PRICKLE2: variants seen among roughly 807,000 people sequenced by gnomAD.
PRICKLE2 encodes the protein prickle-like protein 2.
PRICKLE2 carries 21 observed loss-of-function variants against 81.4 expected under a neutral mutation model. The ratio of observed to expected loss-of-function variants is 0.26; its 90% CI spans 0.18 to 0.37. PRICKLE2 has a LOEUF of 0.37. Among genes scored for constraint, PRICKLE2 ranks in the 10% least tolerant of loss-of-function variants. The pLI is 1.00. For synonymous variants in PRICKLE2, 456 were observed against 421.5 expected (o/e 1.08, Z -1.00); for missense variants, 940 against 1,109.0 (o/e 0.85, Z 2.16).
At chr3:64,151,207 T>A (rs980191664) in intron 6 of PRICKLE2, among the ~76,000 whole-genome samples, 1 of 152,258 alleles carries the variant, frequency 6.6e-6, no homozygotes, top group Admixed American at 6.5e-5. Flanking sequence ...GCATGCTATA[T>A]AGAGTGTGCT....
At chr3:64,235,747 T>C (rs935436362) in intron 2 of PRICKLE2, among the ~76,000 whole-genome samples, 1 of 152,226 alleles carries the variant, frequency 6.6e-6, no homozygotes, top group Non-Finnish European at 1.5e-5. Flanking sequence ...GCATAAATTG[T>C]TCCACAGTCT....
At chr3:64,251,480 T>C (rs1169943885) in intron 2 of PRICKLE2, among the ~76,000 whole-genome samples, 1 of 152,220 alleles carries the variant, frequency 6.6e-6, no homozygotes, top group Non-Finnish European at 1.5e-5. Flanking sequence ...GCAATCATGT[T>C]ATACCTAATC....
intron 1 of PRICKLE2, among the ~76,000 whole-genome samples, chr3:64,209,393 T>G (rs1013508909): frequency 2.6e-5 from 4 of 152,034 alleles, no homozygotes; most frequent in African/African-American, 7.3e-5. Context: ...TACCCATCCA[T>G]CCATCCACCC....
chr3:64,191,721 A>G (rs1325280559), intron 2 of PRICKLE2, among the ~76,000 whole-genome samples: 3 of 152,218 alleles, frequency 2.0e-5, no homozygotes, highest in African/African-American at 7.2e-5. Context: ...GAGGAAACTG[A>G]GGGTCCCAGA....
intron 2 of PRICKLE2, among the ~76,000 whole-genome samples, chr3:64,264,928 T>C (rs957789094): frequency 7.9e-5 from 12 of 152,154 alleles, no homozygotes; most frequent in African/African-American, 2.7e-4. Flanking sequence ...AAGTCAAATA[T>C]GAAGCAATTC....
chr3:64,221,455 A>G (rs1006438366), intron 1 of PRICKLE2, among the ~76,000 whole-genome samples: 8 of 149,542 alleles, frequency 5.3e-5, no homozygotes, highest in South Asian at 2.1e-4. Context: ...ACACACACAC[A>G]CACGCACACA....
chr3:64,099,130 G>A lies in PRICKLE2; in HGVS notation c.2456C>T (p.Pro819Leu). The change falls in exon 8 of 8, where the codon CCC becomes CTC. Residue 819 changes from proline (P) to leucine (L), a missense_variant. Physicochemically the swap from Pro to Leu is moderately conservative, Grantham distance 98. This residue lies in a region of PRICKLE2 where 670 missense variants were observed against 717.2 expected (regional missense o/e 0.93). Transcript: ENST00000638394. This position sits in a 1 kb window ranked among gnomAD's most constrained non-coding sequence, Gnocchi z 4.3. ...LLHKYSSYGL[P>L]KSSTLGGRGQ... ...TCTGCCACCTAATGTGGAAGATTTGGGGAGGCCGTAGGAGCTGTATTTGTG... is the reference window on the plus strand; with the variant it reads ...TCTGCCACCTAATGTGGAAGATTTGAGGAGGCCGTAGGAGCTGTATTTGTG... 1 of 1,614,204 alleles carries A rather than the reference G, an allele frequency of 6.2e-7. No individual in the cohort carries two copies. The highest frequency in any genetic ancestry group is 1.3e-5 in the African/African-American group (1 of 75,038).
At chr3:64,165,302 A>G (rs904119486) in intron 2 of PRICKLE2, among the ~76,000 whole-genome samples, 4 of 152,126 alleles carry the variant, frequency 2.6e-5, no homozygotes, top group African/African-American at 9.7e-5. Context: ...TGCACCCTCT[A>G]GGGCATGGCC....
At chr3:64,220,290 C>T (rs1401347486) in intron 1 of PRICKLE2, among the ~76,000 whole-genome samples, 1 of 152,156 alleles carries the variant, frequency 6.6e-6, no homozygotes, top group African/African-American at 2.4e-5. Context: ...CTACCCTTAA[C>T]CCTGGATGGG....
intron 1 of PRICKLE2, among the ~76,000 whole-genome samples, chr3:64,215,828 C>G (rs1488329322): frequency 1.3e-5 from 2 of 152,198 alleles, no homozygotes; most frequent in Non-Finnish European, 2.9e-5. Flanking sequence ...AATTCTGTTA[C>G]TGTACTGCAA....
At chr3:64,144,726 C>T (rs532976052) in intron 7 of PRICKLE2, among the ~76,000 whole-genome samples, 13 of 152,296 alleles carry the variant, frequency 8.5e-5, no homozygotes, top group South Asian at 8.3e-4. Flanking sequence ...CCTTGTGGAC[C>T]GACATATGGC....
chr3:64,184,641 T>TAA lies in PRICKLE2; in HGVS notation c.144+14141_144+14142dup, dbSNP rs67135736. On this transcript the variant is annotated intron_variant, in intron 2 of 7. Transcript: ENST00000638394. ...GGCCCACACCAATGACTGACTGATT[T>TAA]AAAAAAAAAAATTTGAGATGGAATC... Among the ~76,000 whole-genome samples the TAA allele has an allele frequency of 1.7e-4, 26 of 150,098 alleles. 1 individual carries two copies. Among genetic ancestry groups the TAA allele is most frequent in the Middle Eastern group, 3.4e-3 (1 of 294 alleles).
upstream of PRICKLE2, among the ~76,000 whole-genome samples, chr3:64,230,244 A>C (rs957607078): frequency 6.6e-6 from 1 of 152,216 alleles, no homozygotes; most frequent in African/African-American, 2.4e-5. Flanking sequence ...AATGTCTGCC[A>C]TAGCTGTCCA....
At chr3:64,127,371 G>A (rs986150) in intron 7 of PRICKLE2, among the ~76,000 whole-genome samples, 15,657 of 152,076 alleles carry the variant, frequency 0.1, 930 homozygotes, top group Middle Eastern at 0.29. Flanking sequence ...TGCAGCCAAC[G>A]CTGGTCCTCT....
Position 64,153,527 on chromosome 3 carries a change from T to C in PRICKLE2, c.601-159A>G, listed in dbSNP as rs187638537. 2.0e-4 allele frequency: 132 copies of C among 662,526 alleles called. No homozygotes were observed. The African/African-American group carries it at 2.3e-3, about 12-fold the overall frequency. 41.0% of individuals were successfully genotyped at this position (662,526 alleles called of 1,614,324 possible). A position where few individuals can be genotyped will look rare whatever the true frequency, so the allele number is the denominator to read the frequency against. On this transcript the variant is annotated intron_variant, in intron 5 of 7. Transcript: ENST00000638394. Reference sequence around the variant, plus strand: ...CATATGGATATGTTTATTCTGTATGTATATCAGTTCCTATACATGGATTTA... The same window carrying C: ...CATATGGATATGTTTATTCTGTATGCATATCAGTTCCTATACATGGATTTA...
intron 7 of PRICKLE2, chr3:64,145,462 G>A (rs2077433961): frequency 6.6e-6 from 1 of 151,556 alleles, no homozygotes; most frequent in African/African-American, 2.4e-5. Context: ...CTGGCCTCAA[G>A]TGATCCTCCT....
intron 2 of PRICKLE2, among the ~76,000 whole-genome samples, chr3:64,245,206 C>T (rs1232496425): frequency 6.6e-6 from 1 of 152,144 alleles, no homozygotes; most frequent in Non-Finnish European, 1.5e-5. Flanking sequence ...ACTCCAATTC[C>T]TTAAAATGTC....
At chr3:64,157,887 CT>C (rs1441903318) in intron 4 of PRICKLE2, among the ~76,000 whole-genome samples, 2 of 152,216 alleles carry the variant, frequency 1.3e-5, no homozygotes, top group Non-Finnish European at 2.9e-5. Context: ...TTCAGGCATG[CT>C]TTTAGTCTGC....
rs1309527222 is a variant in PRICKLE2, at chr3:64,216,368, C to A, written c.-41+8542G>T. On this transcript the variant is annotated intron_variant, in intron 1 of 7. Transcript: ENST00000638394. ...TTCATCAATTCTGTCCAGTCCTTTG[C>A]TGTCCAGGGATCCTAAGCTAAAAAC... Among the ~76,000 whole-genome samples, 3 of 152,184 alleles carry A rather than the reference C, an allele frequency of 2.0e-5. No individual in the cohort carries two copies. The South Asian group carries it at 6.2e-4, about 32-fold the overall frequency.
Sources: gnomAD v4.1 joint callset for allele counts (sites outside exome capture counted in the v4.1 genomes callset) on GRCh38, gnomAD v4.1.1 for gene constraint, gnomAD v4.1.1 regional missense constraint, Gnocchi (gnomAD v3.1) non-coding constraint, MANE v1.5 for transcripts, NCBI Gene and HGNC (gene_info 2026-07-23, HGNC 2026-07-21) for gene names.